PRKCZ: variants seen among roughly 807,000 people sequenced by gnomAD.
The protein encoded by PRKCZ is protein kinase C zeta, also known as protein kinase C zeta type.
PRKCZ carries 33 observed loss-of-function variants against 79.5 expected under a neutral mutation model. The ratio of observed to expected loss-of-function variants is 0.41; its 90% CI spans 0.31 to 0.55. The LOEUF (loss-of-function observed/expected upper bound fraction) is 0.55, where lower values mean the gene tolerates loss of function less well. Among genes scored for constraint, PRKCZ ranks in the 20% least tolerant of loss-of-function variants. The pLI is 0.19. For missense variants in PRKCZ, 578 were observed against 813.5 expected (o/e 0.71, Z 3.52); for synonymous variants, 342 against 320.9 (o/e 1.07, Z -0.70).
chr1:2,059,001 G>T (rs934593021), intron 3 of PRKCZ, among the ~76,000 whole-genome samples: 3 of 151,974 alleles, frequency 2.0e-5, no homozygotes, highest in East Asian at 1.9e-4. Context: ...CGTCATGTTG[G>T]CCAGGCTGGT....
At chr1:2,055,298 A>C (rs58725160) in intron 1 of PRKCZ, 143 bp from the exon 2 acceptor site, 40 of 655,620 alleles carry the variant, frequency 6.1e-5, no homozygotes, top group Non-Finnish European at 7.5e-5. Flanking sequence ...TGTGTGTGGG[A>C]GGGGGGAGGG....
At chr1:2,070,857 C>T (rs1336325643) in intron 4 of PRKCZ, among the ~76,000 whole-genome samples, 1 of 152,034 alleles carries the variant, frequency 6.6e-6, no homozygotes, top group African/African-American at 2.4e-5. Flanking sequence ...GCTCCGGGGC[C>T]TTCTGGCTGT....
intron 4 of PRKCZ, chr1:2,074,259 C>A: frequency 6.4e-7 from 1 of 1,550,418 alleles, no homozygotes; most frequent in Non-Finnish European, 8.7e-7. Flanking sequence ...GGGACATGCT[C>A]ACCCCGAGGA....
intron 10 of PRKCZ, among the ~76,000 whole-genome samples, chr1:2,160,238 C>CGCGCGCGTGT (rs71578361): frequency 7.5e-5 from 11 of 146,374 alleles, no homozygotes; most frequent in African/African-American, 2.8e-4. Context: ...CAGCAGTGTG[C>CGCGCGCGTGT]GTGTGTGTGT....
intron 4 of PRKCZ, among the ~76,000 whole-genome samples, chr1:2,087,022 A>G (rs1438813552): frequency 2.0e-5 from 3 of 152,140 alleles, no homozygotes; most frequent in Non-Finnish European, 4.4e-5. Flanking sequence ...TGCTGTCAGT[A>G]TGATGGTCAG....
intron 4 of PRKCZ, chr1:2,074,933 C>T (rs1220073413): frequency 2.0e-5 from 3 of 151,548 alleles, no homozygotes; most frequent in African/African-American, 7.3e-5. Flanking sequence ...AGCCGTGGGC[C>T]TGGGGAGACT....
rs1051348979 is a variant in PRKCZ at position 2,177,354 on chromosome 1, G to T, written c.1575+2041G>T. ...CGCCCGTCTCAGCTCAGTCTCCCCC[G>T]TGCCTTTCCCACCCTCTCTCTTCCA... is the stretch of plus-strand genomic sequence containing the variant. On this transcript the variant is annotated intron_variant, in intron 16 of 17. Transcript: ENST00000378567. The surrounding 1 kb of genome is among the most constrained non-coding windows in gnomAD (Gnocchi z 6.4). Among the ~76,000 whole-genome samples the T allele has an allele frequency of 6.6e-6, 1 of 152,048 alleles. No homozygotes were observed. Among genetic ancestry groups the T allele is most frequent in the Non-Finnish European group, 1.5e-5 (1 of 67,998 alleles).
chr1:2,150,253 A>G (rs1407263193), intron 8 of PRKCZ, among the ~76,000 whole-genome samples: 6 of 151,558 alleles, frequency 4.0e-5, no homozygotes, highest in South Asian at 2.1e-4. Flanking sequence ...CCTCCTTGCC[A>G]GGTGTAGCTT....
chr1:2,060,108 G>A (rs1030534974), intron 4 of PRKCZ, among the ~76,000 whole-genome samples: 72 of 152,360 alleles, frequency 4.7e-4, no homozygotes, highest in South Asian at 1.9e-3. Context: ...CTGAGCAGGT[G>A]GCTACGCTGC....
intron 9 of PRKCZ, among the ~76,000 whole-genome samples, 192 bp downstream of exon 9, chr1:2,151,170 C>G (rs1679830852): frequency 6.6e-6 from 1 of 152,260 alleles, no homozygotes; most frequent in Non-Finnish European, 1.5e-5. Flanking sequence ...GGTAATGGCA[C>G]TGTTGTGTGA....
At chr1:2,104,356 T>A (rs1055312969) in intron 4 of PRKCZ, among the ~76,000 whole-genome samples, 6 of 152,128 alleles carry the variant, frequency 3.9e-5, no homozygotes, top group Admixed American at 3.9e-4. Flanking sequence ...TGAGGGAAGG[T>A]TACGGCTGGT....
chr1:2,084,130 C>T lies in PRKCZ; in HGVS notation c.334+24539C>T, dbSNP rs79496784. On this transcript the variant is annotated intron_variant, in intron 4 of 17. Transcript: ENST00000378567. The stretch of plus-strand genomic sequence containing the variant: ...GGATGCCTGTAATTAATCCTAGCTA[C>T]TCGGGAGGCTGAGGCACGAGAATCA... Among the ~76,000 whole-genome samples, 482 of 152,324 alleles carry T rather than the reference C, an allele frequency of 3.2e-3. 23 individuals carry two copies. In the East Asian group the frequency reaches 0.079, roughly 25 times the overall value.
intron 4 of PRKCZ, among the ~76,000 whole-genome samples, chr1:2,131,301 C>T (rs1674910902): frequency 6.6e-6 from 1 of 152,104 alleles, no homozygotes. Context: ...CTCTTTGTTC[C>T]TTTTTAAAAA....
At chr1:2,086,259 C>G (rs1015212278) in intron 4 of PRKCZ, among the ~76,000 whole-genome samples, 4 of 151,922 alleles carry the variant, frequency 2.6e-5, no homozygotes, top group Non-Finnish European at 5.9e-5. Flanking sequence ...CAGGGTTTCT[C>G]CATTTTGCCC....
At position 2,171,849 on chromosome 1, in the gene PRKCZ, C is replaced by T. The variant is rs189902860; in HGVS notation, c.1062-206C>T. ...TCTGTGTCTTTGACAGCAGGCCATC[C>T]TAAGGCGCATGGGGTGGTGTCCTGG... On this transcript the variant is annotated intron_variant, in intron 11 of 17. Coordinates refer to ENST00000378567, the MANE Select transcript of PRKCZ (RefSeq NM_002744.6). Among the ~76,000 whole-genome samples the T allele has an allele frequency of 5.9e-5, 9 of 152,332 alleles. No homozygotes were observed. The East Asian group carries it at 1.7e-3, about 29-fold the overall frequency.
intron 4 of PRKCZ, among the ~76,000 whole-genome samples, chr1:2,083,270 C>T (rs1009541751): frequency 7.9e-5 from 12 of 152,068 alleles, no homozygotes; most frequent in Non-Finnish European, 1.3e-4. Flanking sequence ...TCCCTGCAGC[C>T]TCTGTTCCCT....
intron 4 of PRKCZ, chr1:2,074,678 T>G: frequency 3.2e-6 from 1 of 314,008 alleles, no homozygotes. Flanking sequence ...CAGCCAGGGT[T>G]AATGTGCACG....
At chr1:2,080,594 C>G (rs1663311405) in intron 4 of PRKCZ, among the ~76,000 whole-genome samples, 1 of 152,168 alleles carries the variant, frequency 6.6e-6, no homozygotes, top group Admixed American at 6.5e-5. Context: ...ACAGAAAAAT[C>G]AGGACAGGAG....
intron 4 of PRKCZ, among the ~76,000 whole-genome samples, chr1:2,110,478 C>T (rs1334363476): frequency 6.7e-6 from 1 of 150,110 alleles, no homozygotes; most frequent in Non-Finnish European, 1.5e-5. Context: ...AACAGAGACT[C>T]CTCTGGTACC....
Sources: allele counts gnomAD v4.1 joint callset (sites outside exome capture counted in the v4.1 genomes callset), GRCh38; gene constraint gnomAD v4.1.1; non-coding constraint Gnocchi (gnomAD v3.1); transcripts MANE v1.5; gene names NCBI Gene and HGNC (gene_info 2026-07-23, HGNC 2026-07-21).